L3MBTL4: variants seen among roughly 807,000 people sequenced by gnomAD.
The protein encoded by L3MBTL4 is L3MBTL histone methyl-lysine binding protein 4.
A neutral mutation model predicts 84.5 loss-of-function variants in L3MBTL4; 70 were observed. The observed-to-expected ratio is 0.83, with a 90% confidence interval of 0.68 to 1.01. The LOEUF is 1.01. Among genes scored for constraint, L3MBTL4 ranks in the 50% least tolerant of loss-of-function variants. The pLI is 0.00. For synonymous variants in L3MBTL4, 274 were observed against 259.8 expected, an observed-to-expected ratio of 1.05 and a Z score of -0.52; for missense variants, 715 against 754.8, an observed-to-expected ratio of 0.95 and a Z score of 0.62.
chr18:5,979,182 C>T (rs1235200448), intron 16 of L3MBTL4, among the ~76,000 whole-genome samples: 2 of 152,170 alleles, frequency 1.3e-5, no homozygotes, highest in Non-Finnish European at 2.9e-5. Flanking sequence ...ATGGATTGTG[C>T]CTCCCTTTTC....
chr18:6,343,791 C>A (rs780953807), intron 1 of L3MBTL4, among the ~76,000 whole-genome samples: 27 of 151,566 alleles, frequency 1.8e-4, no homozygotes, highest in Non-Finnish European at 3.5e-4. Flanking sequence ...AAGCAACATG[C>A]TCCTGAATAA....
chr18:6,151,584 G>A lies in L3MBTL4; in HGVS notation c.1097-13288C>T, dbSNP rs957369703. 8.6e-5 allele frequency among the ~76,000 whole-genome samples: 13 copies of A among 151,896 alleles called. No individual in the cohort carries two copies. In the South Asian group the frequency reaches 1.3e-3, roughly 15 times the overall value. Reference sequence around the variant, plus strand: ...ATTTTTTTGTATTTTTAGTAGAGACGGGGTTTCACCATGTTGTCCAGGCAG... The same window carrying A: ...ATTTTTTTGTATTTTTAGTAGAGACAGGGTTTCACCATGTTGTCCAGGCAG... On this transcript the variant is annotated intron_variant, in intron 13 of 18. Coordinates refer to ENST00000317931, the MANE Select transcript of L3MBTL4 (RefSeq NM_001330559.2).
intron 12 of L3MBTL4, among the ~76,000 whole-genome samples, chr18:6,185,960 C>CTATTA (rs976327212): frequency 1.4e-5 from 2 of 145,786 alleles, no homozygotes; most frequent in African/African-American, 5.4e-5. Flanking sequence ...AGGGCACTTT[C>CTATTA]TTTATTTTAT....
intron 12 of L3MBTL4, among the ~76,000 whole-genome samples, chr18:6,174,303 A>T (rs2044120681): frequency 6.6e-6 from 1 of 152,204 alleles, no homozygotes; most frequent in African/African-American, 2.4e-5. Flanking sequence ...TAGATGTTGT[A>T]ATTAGCAGAA....
intron 14 of L3MBTL4, among the ~76,000 whole-genome samples, chr18:6,110,461 G>A (rs1035821680): frequency 2.6e-5 from 4 of 151,846 alleles, no homozygotes; most frequent in African/African-American, 7.3e-5. Flanking sequence ...GTGGGGGGTT[G>A]TATGTGTGGC....
chr18:6,209,420 A>G (rs544348677), intron 12 of L3MBTL4, among the ~76,000 whole-genome samples: 1 of 148,352 alleles, frequency 6.7e-6, no homozygotes, highest in East Asian at 2.0e-4. Context: ...TTTAGACCCG[A>G]AGCCCATAAG....
At chr18:6,014,422 T>C (rs1198878562) in intron 16 of L3MBTL4, among the ~76,000 whole-genome samples, 1 of 152,102 alleles carries the variant, frequency 6.6e-6, no homozygotes. Context: ...CAATACAGAA[T>C]GGTAAGGTCC....
chr18:5,957,010 C>T (rs951449213), intron 18 of L3MBTL4, among the ~76,000 whole-genome samples: 1 of 152,134 alleles, frequency 6.6e-6, no homozygotes. Context: ...TGCATGTATA[C>T]ATATGCATAT....
chr18:6,312,710 C>A (rs1465526786), intron 1 of L3MBTL4, among the ~76,000 whole-genome samples: 5 of 152,196 alleles, frequency 3.3e-5, no homozygotes, highest in Non-Finnish European at 7.3e-5. Flanking sequence ...TCCATCATTT[C>A]ATCCTTTATA....
intron 4 of L3MBTL4, among the ~76,000 whole-genome samples, chr18:6,297,391 T>C (rs1247696167): frequency 1.3e-5 from 2 of 152,154 alleles, no homozygotes; most frequent in Admixed American, 6.5e-5. Context: ...AAGTCTATAG[T>C]TTAGTGAATA....
chr18:6,236,140 T>C (rs1041974363), intron 10 of L3MBTL4, among the ~76,000 whole-genome samples: 7 of 152,092 alleles, frequency 4.6e-5, no homozygotes, highest in Non-Finnish European at 1.0e-4. Flanking sequence ...GCAAAAACAA[T>C]TGTGAAAAAG....
chr18:6,350,657 C>T (rs1348271010), intron 1 of L3MBTL4, among the ~76,000 whole-genome samples: 5 of 151,766 alleles, frequency 3.3e-5, no homozygotes, highest in Admixed American at 3.3e-4. Flanking sequence ...CTATAGAAAA[C>T]GGTATGGTGG....
chr18:6,269,291 A>T (rs986454670), intron 4 of L3MBTL4, among the ~76,000 whole-genome samples: 2 of 152,000 alleles, frequency 1.3e-5, no homozygotes, highest in Non-Finnish European at 2.9e-5. Flanking sequence ...CCCCATCTCT[A>T]CTAAAAATAC....
intron 14 of L3MBTL4, among the ~76,000 whole-genome samples, chr18:6,129,674 G>A (rs575417826): frequency 1.3e-5 from 2 of 152,256 alleles, no homozygotes; most frequent in South Asian, 2.1e-4. Context: ...AAGTGCTAGA[G>A]TGATAGTTAT....
At chr18:6,404,813 G>A (rs1008020700) in intron 1 of L3MBTL4, among the ~76,000 whole-genome samples, 5 of 151,626 alleles carry the variant, frequency 3.3e-5, no homozygotes, top group South Asian at 2.1e-4. Context: ...TAACCTCCAC[G>A]TAGCTGGGAC....
chr18:6,312,503 T>A (rs2050884676), intron 1 of L3MBTL4, among the ~76,000 whole-genome samples: 1 of 152,112 alleles, frequency 6.6e-6, no homozygotes, highest in African/African-American at 2.4e-5. Context: ...GCCCAGAGCT[T>A]CCTCTTACAG....
chr18:6,180,826 T>C (rs2044434984), intron 12 of L3MBTL4, among the ~76,000 whole-genome samples: 1 of 152,236 alleles, frequency 6.6e-6, no homozygotes, highest in African/African-American at 2.4e-5. Flanking sequence ...TCCATGCTTG[T>C]ATGCCAATGT....
At chr18:5,963,594 T>G (rs931631437) in intron 17 of L3MBTL4, among the ~76,000 whole-genome samples, 5 of 152,358 alleles carry the variant, frequency 3.3e-5, no homozygotes, top group South Asian at 2.1e-4. Flanking sequence ...TCTGTCTTTT[T>G]CCAAAGTAAG....
intron 1 of L3MBTL4, among the ~76,000 whole-genome samples, chr18:6,358,122 T>C (rs969658712): frequency 1.3e-5 from 2 of 152,200 alleles, no homozygotes; most frequent in Non-Finnish European, 2.9e-5. Context: ...AGTGCTTCAC[T>C]ATGCTGGGAG....
Sources: allele counts gnomAD v4.1 joint callset (sites outside exome capture counted in the v4.1 genomes callset), GRCh38; gene constraint gnomAD v4.1.1; transcripts MANE v1.5; gene names NCBI Gene and HGNC (gene_info 2026-07-23, HGNC 2026-07-21).